The following MLLT10 variants were observed in gnomAD, a reference collection of about 807,000 sequenced individuals.
MLLT10 encodes the protein protein AF-10.
MLLT10 carries 30 observed loss-of-function variants against 129.1 expected under a neutral mutation model. The observed-to-expected ratio is 0.23, with a 90% confidence interval of 0.17 to 0.32. MLLT10 has a LOEUF of 0.32. Ranked by LOEUF, MLLT10 falls within the 10% of genes least tolerant of loss-of-function variation. The probability of loss-of-function intolerance (pLI) is 1.00; values close to 1 mark genes in which losing one functional copy is unlikely to be tolerated. For synonymous variants in MLLT10, 490 were observed against 446.4 expected (o/e 1.10, Z -1.23); for missense variants, 1,119 against 1,268.3 (o/e 0.88, Z 1.79).
intron 2 of MLLT10, 104 bp downstream of exon 2, chr10:21,534,908 C>T (rs2033558001): frequency 1.2e-6 from 1 of 837,074 alleles, no homozygotes; most frequent in Admixed American, 6.0e-5. Context: ...GTGCCGCGGC[C>T]GCGGGAGGGA....
At chr10:21,717,728 C>G (rs1393873140) in intron 14 of MLLT10, among the ~76,000 whole-genome samples, 1 of 115,872 alleles carries the variant, frequency 8.6e-6, no homozygotes, top group African/African-American at 3.4e-5. Flanking sequence ...CCTCCTCCTC[C>G]TCCTCCTCTT....
chr10:21,640,303 T>C (rs2047878285), intron 8 of MLLT10, among the ~76,000 whole-genome samples: 1 of 145,056 alleles, frequency 6.9e-6, no homozygotes, highest in South Asian at 2.1e-4. Context: ...TTATATAATA[T>C]ATATGTATAC....
intron 3 of MLLT10, among the ~76,000 whole-genome samples, chr10:21,552,796 C>A (rs1301793546): frequency 1.3e-5 from 2 of 151,694 alleles, no homozygotes; most frequent in African/African-American, 4.8e-5. Flanking sequence ...TTATTTTCTT[C>A]TTCCTCTTCT....
intron 5 of MLLT10, among the ~76,000 whole-genome samples, chr10:21,598,822 G>A (rs1469226444): frequency 6.6e-6 from 1 of 151,700 alleles, no homozygotes; most frequent in Non-Finnish European, 1.5e-5. Flanking sequence ...GGCAGAGAGG[G>A]TGCAGTGAGC....
At chr10:21,715,397 T>G (rs2056466247) in intron 14 of MLLT10, among the ~76,000 whole-genome samples, 1 of 152,208 alleles carries the variant, frequency 6.6e-6, no homozygotes, top group Admixed American at 6.5e-5. Context: ...AGCAGAGTTT[T>G]TCTGTAGTTC....
chr10:21,726,386 C>A (rs370386952), intron 15 of MLLT10, 31 bp downstream of exon 15: 1 of 1,465,274 alleles, frequency 6.8e-7, no homozygotes, highest in Non-Finnish European at 9.5e-7. Flanking sequence ...AACTCTAAAA[C>A]CCTACTCTCA....
At chr10:21,598,520 TTGTGTG>T (rs1261606237) in intron 5 of MLLT10, among the ~76,000 whole-genome samples, 8 of 152,012 alleles carry the variant, frequency 5.3e-5, no homozygotes, top group Admixed American at 2.0e-4. Context: ...AAATGTGTGT[TTGTGTG>T]TGTGTGTATT....
chr10:21,708,321 G>A (rs1233931331), intron 13 of MLLT10, among the ~76,000 whole-genome samples: 1 of 152,128 alleles, frequency 6.6e-6, no homozygotes, highest in Non-Finnish European at 1.5e-5. Flanking sequence ...GTAACATTTA[G>A]CTCTGTTTAA....
At chr10:21,556,182 G>GC (rs1282698411) in intron 3 of MLLT10, among the ~76,000 whole-genome samples, 1 of 151,982 alleles carries the variant, frequency 6.6e-6, no homozygotes, top group African/African-American at 2.4e-5. Flanking sequence ...CGCCATGTTG[G>GC]CCAGGCTGGT....
chr10:21,673,250 T>C (rs1014822548), intron 10 of MLLT10, 100 bp from the exon 11 acceptor site: 9 of 705,582 alleles, frequency 1.3e-5, no homozygotes, highest in Non-Finnish European at 1.8e-5. Context: ...TTCTCTTTAA[T>C]GATTATATCA....
At chr10:21,612,490 T>C (rs765422734) in intron 6 of MLLT10, 39 bp downstream of exon 6, 1 of 1,284,900 alleles carries the variant, frequency 7.8e-7, no homozygotes, top group Non-Finnish European at 1.1e-6. Flanking sequence ...CTGAACTTGG[T>C]AAATACCTTG....
chr10:21,665,138 G>T (rs1032007838), intron 9 of MLLT10, among the ~76,000 whole-genome samples: 1 of 151,582 alleles, frequency 6.6e-6, no homozygotes, highest in East Asian at 1.9e-4. Flanking sequence ...TAGAGACGGG[G>T]TTTCACCATG....
chr10:21,534,608 C>CTT, intron 1 of MLLT10, 37 bp from the exon 2 acceptor site: 1 of 1,591,902 alleles, frequency 6.3e-7, no homozygotes, highest in South Asian at 1.1e-5. Context: ...AATCGGCTTG[C>CTT]ATGTGTTTTT....
intron 5 of MLLT10, among the ~76,000 whole-genome samples, chr10:21,601,332 G>A (rs1457481855): frequency 6.6e-6 from 1 of 152,120 alleles, no homozygotes. Flanking sequence ...CTATTTATTT[G>A]ATAAGGACTG....
intron 9 of MLLT10, among the ~76,000 whole-genome samples, chr10:21,654,859 A>G (rs1326990968): frequency 1.3e-5 from 2 of 152,118 alleles, no homozygotes; most frequent in African/African-American, 4.8e-5. Flanking sequence ...ATACTGGTTC[A>G]TGGTTTCTGG....
intron 3 of MLLT10, among the ~76,000 whole-genome samples, chr10:21,573,772 G>A (rs2040456882): frequency 6.6e-6 from 1 of 151,980 alleles, no homozygotes; most frequent in Non-Finnish European, 1.5e-5. Flanking sequence ...TGTTGGCCAG[G>A]CAGGTCTCCT....
intron 3 of MLLT10, among the ~76,000 whole-genome samples, chr10:21,544,783 A>G (rs1287468261): frequency 6.6e-6 from 1 of 152,218 alleles, no homozygotes; most frequent in African/African-American, 2.4e-5. Flanking sequence ...GTTGTAGTAG[A>G]GGAAGGAGAG....
intron 13 of MLLT10, among the ~76,000 whole-genome samples, chr10:21,709,836 C>T (rs1459531830): frequency 6.6e-6 from 1 of 152,088 alleles, no homozygotes; most frequent in Non-Finnish European, 1.5e-5. Flanking sequence ...CTCCCAGGCT[C>T]AAGCAGTTCT....
chr10:21,704,367 A>G (rs201906580), intron 13 of MLLT10, among the ~76,000 whole-genome samples: 1 of 138,640 alleles, frequency 7.2e-6, no homozygotes, highest in South Asian at 2.3e-4. Context: ...CTATATATAT[A>G]TATATATATA....
Sources: gnomAD v4.1 joint callset for allele counts (sites outside exome capture counted in the v4.1 genomes callset) on GRCh38, gnomAD v4.1.1 for gene constraint, MANE v1.5 for transcripts, NCBI Gene and HGNC (gene_info 2026-07-23, HGNC 2026-07-21) for gene names.